The following EPG5 variants were observed in gnomAD, a reference collection of about 807,000 sequenced individuals.
EPG5 encodes the protein ectopic P-granules 5 autophagy tethering factor, also known as ectopic P granules protein 5 homolog.
A neutral mutation model predicts 302.7 loss-of-function variants in EPG5; 159 were observed. The ratio of observed to expected loss-of-function variants is 0.53; its 90% CI spans 0.46 to 0.60. The LOEUF (loss-of-function observed/expected upper bound fraction) is 0.60, where lower values mean the gene tolerates loss of function less well. Ranked by LOEUF, EPG5 falls within the 20% of genes least tolerant of loss-of-function variation. The pLI is 0.00. For synonymous variants in EPG5, 1,158 were observed against 1,136.8 expected, an observed-to-expected ratio of 1.02 and a Z score of -0.37; for missense variants, 2,896 against 3,092.4, an observed-to-expected ratio of 0.94 and a Z score of 1.51.
intron 20 of EPG5, among the ~76,000 whole-genome samples, chr18:45,914,967 A>G (rs977188333): frequency 4.0e-5 from 2 of 50,268 alleles, no homozygotes; most frequent in African/African-American, 2.4e-4. Flanking sequence ...ATGTTTTTTA[A>G]TTTAAAAAAA....
At chr18:45,838,959 C>G in the EPG5 span, 8 of 1,604,538 alleles carry the variant, frequency 5.0e-6, no homozygotes, top group East Asian at 4.5e-5. Flanking sequence ...TGGGCCGCTC[C>G]GAGGCCAGCG....
intron 14 of EPG5, among the ~76,000 whole-genome samples, chr18:45,924,567 T>A (rs2050230261): frequency 6.6e-6 from 1 of 152,222 alleles, no homozygotes; most frequent in African/African-American, 2.4e-5. Flanking sequence ...TAAATGTTAA[T>A]CTTCTTATGG....
intron 27 of EPG5, among the ~76,000 whole-genome samples, chr18:45,892,500 G>A (rs1289172296): frequency 1.3e-5 from 2 of 152,198 alleles, no homozygotes; most frequent in African/African-American, 2.4e-5. Context: ...GAGGCCCTCA[G>A]TGGGTCTTTT....
In EPG5 at chr18:45,852,435, A is replaced by C; in HGVS notation, c.*32T>G. 6.3e-7 allele frequency: 1 copy of C among 1,586,108 alleles called. No individual in the cohort carries two copies. Among genetic ancestry groups the C allele is most frequent in the Non-Finnish European group, 8.6e-7 (1 of 1,165,238 alleles). Reference sequence around the variant, plus strand: ...AGCAAAGTTAAATGTAAACATAAACAGCAATGGGTTTTTCAAGAGCCTCAG... The same window carrying C: ...AGCAAAGTTAAATGTAAACATAAACCGCAATGGGTTTTTCAAGAGCCTCAG... On this transcript the variant is annotated 3_prime_UTR_variant, in exon 44 of 44. Coordinates refer to ENST00000282041, the MANE Select transcript of EPG5 (RefSeq NM_020964.3).
intron 35 of EPG5, 74 bp from the exon 36 acceptor site, chr18:45,870,816 AC>A: frequency 7.8e-7 from 1 of 1,277,286 alleles, no homozygotes; most frequent in Non-Finnish European, 1.1e-6. Context: ...GCAAATTTGA[AC>A]TAAAAGTCTA....
chr18:45,916,355 A>T, intron 18 of EPG5, 83 bp downstream of exon 18: 1 of 1,560,598 alleles, frequency 6.4e-7, no homozygotes, highest in Non-Finnish European at 8.7e-7. Flanking sequence ...ATCTGAAATG[A>T]CTAAAACCTA....
intron 36 of EPG5, 72 bp from the exon 37 acceptor site, chr18:45,867,820 G>C: frequency 7.5e-7 from 1 of 1,341,090 alleles, no homozygotes; most frequent in Non-Finnish European, 1.0e-6. Context: ...TATGTAAATT[G>C]TTTCATAATT....
chr18:45,860,056 T>C (rs1196443096), intron 40 of EPG5, 48 bp downstream of exon 40: 2 of 1,602,266 alleles, frequency 1.2e-6, no homozygotes, highest in South Asian at 1.1e-5. Context: ...TGCTTTCATC[T>C]TTCTGGAAAA....
chr18:45,853,674 G>T (rs1162148770), intron 43 of EPG5, among the ~76,000 whole-genome samples: 1 of 152,192 alleles, frequency 6.6e-6, no homozygotes, highest in Non-Finnish European at 1.5e-5. Flanking sequence ...TTTTGAGGAT[G>T]ATAAATAAAC....
intron 27 of EPG5, among the ~76,000 whole-genome samples, chr18:45,894,104 C>T (rs1415583466): frequency 6.6e-6 from 1 of 152,116 alleles, no homozygotes; most frequent in Non-Finnish European, 1.5e-5. Context: ...TAAGTTGTAA[C>T]ACAGCCTAAT....
chr18:45,819,677 A>C, the EPG5 span, among the ~76,000 whole-genome samples: 1 of 152,350 alleles, frequency 6.6e-6, no homozygotes, highest in African/African-American at 2.4e-5. Context: ...TGTGTTAATT[A>C]GTTCACCAAT....
Position 45,850,538 on chromosome 18 carries a change from A to G in EPG5, c.*1929T>C, listed in dbSNP as rs1260562845. ...CATCTCTGATTATTAATGAAGTTCA[A>G]TGTCAAATAAATTAAATGACATCAG... On this transcript the variant is annotated 3_prime_UTR_variant, in exon 44 of 44. Coordinates refer to ENST00000282041, the MANE Select transcript of EPG5 (RefSeq NM_020964.3). 2 of 152,232 alleles carry G rather than the reference A, an allele frequency of 1.3e-5. No homozygotes were observed. Among genetic ancestry groups the G allele is most frequent in the African/African-American group, 4.8e-5 (2 of 41,456 alleles). The allele number at this position is 152,232 out of a possible 1,614,324, so 9.4% of individuals were successfully genotyped here. A position where few individuals can be genotyped will look rare whatever the true frequency, so the allele number is the denominator to read the frequency against.
At position 45,913,850 on chromosome 18, in the gene EPG5, G is replaced by T. The variant is rs757055466; in HGVS notation, c.3694-22C>A. On this transcript the variant is annotated intron_variant, in intron 20 of 43. Coordinates refer to ENST00000282041, the MANE Select transcript of EPG5 (RefSeq NM_020964.3). ...AGACCTATAATGACACCAGATAAAG[G>T]GGAGGGGAAGGAGGAGCTCGCCCCA... 3.1e-6 allele frequency: 5 copies of T among 1,611,262 alleles called. No individual in the cohort carries two copies. In the South Asian group the frequency reaches 5.5e-5, roughly 18 times the overall value.
At chr18:45,941,994 C>A (rs1446120196) in intron 9 of EPG5, among the ~76,000 whole-genome samples, 3 of 152,150 alleles carry the variant, frequency 2.0e-5, no homozygotes, top group African/African-American at 7.2e-5. Context: ...GAGGCCAAGG[C>A]AGGCAGATCA....
At chr18:45,870,765 A>C (rs781350067) in intron 35 of EPG5, 23 bp from the exon 36 acceptor site, 1 of 1,505,632 alleles carries the variant, frequency 6.6e-7, no homozygotes, top group Non-Finnish European at 9.1e-7. Flanking sequence ...AAGAAAATAG[A>C]GCTGAAGACC....
chr18:45,876,062 G>GAAA (rs372969523), intron 35 of EPG5, among the ~76,000 whole-genome samples, 174 bp downstream of exon 35: 1 of 91,742 alleles, frequency 1.1e-5, no homozygotes. Context: ...ATCTCCAAAA[G>GAAA]AAAAAAAAAA....
rs74318949 is a variant in EPG5 at position 45,963,665 on chromosome 18, T to G, written c.63+3512A>C. ...GAAAAAGAAAAGAAAAGAGAGAAAG[T>G]TGGGATTGGTGGTAGAACTGAGGCT... On this transcript the variant is annotated intron_variant, in intron 1 of 43. Transcript: ENST00000282041. Among the ~76,000 whole-genome samples the G allele has an allele frequency of 7.0e-3, 1,059 of 151,678 alleles. 10 individuals are homozygous for G. Among genetic ancestry groups the G allele is most frequent in the African/African-American group, 0.024 (995 of 41,350 alleles).
intron 23 of EPG5, among the ~76,000 whole-genome samples, chr18:45,908,801 G>A (rs185515168): frequency 2.6e-5 from 4 of 152,072 alleles, no homozygotes; most frequent in Admixed American, 6.5e-5. Flanking sequence ...ATACAAAAAT[G>A]AGCCGGGTGT....
chr18:45,842,508 C>T, the EPG5 span: 1 of 302,716 alleles, frequency 3.3e-6, no homozygotes, highest in Admixed American at 4.3e-5. Context: ...GTTCCCTTGC[C>T]CTTTCTTACC....
Sources: gnomAD v4.1 joint callset for allele counts (sites outside exome capture counted in the v4.1 genomes callset) on GRCh38, gnomAD v4.1.1 for gene constraint, MANE v1.5 for transcripts, NCBI Gene and HGNC (gene_info 2026-07-23, HGNC 2026-07-21) for gene names.